Variants in EEFSEC observed in about 807,000 individuals in gnomAD.
The protein encoded by EEFSEC is selenocysteine-specific elongation factor.
In EEFSEC, 43 loss-of-function variants were observed where a neutral mutation model predicts 42.1. That is an observed-to-expected ratio of 1.02 (90% CI 0.80 to 1.32). EEFSEC has a LOEUF of 1.32. Ranked by LOEUF, EEFSEC falls within the 40% of genes most tolerant of loss-of-function variation. The pLI is 0.00. For missense variants in EEFSEC, 745 were observed against 803.6 expected (o/e 0.93, Z 0.88); for synonymous variants, 354 against 339.1 (o/e 1.04, Z -0.48).
rs2067690961 is a variant in EEFSEC at position 128,374,731 on chromosome 3, C to T, written c.1600+16358C>T. On this transcript the variant is annotated intron_variant, in intron 6 of 6. Coordinates refer to ENST00000254730, the MANE Select transcript of EEFSEC (RefSeq NM_021937.5). ...TTCTCACTGTATGCCATATACTTTT[C>T]TAAGCATATTATATATAATAATATA... Among the ~76,000 whole-genome samples, 3 of 152,178 alleles carry T rather than the reference C, an allele frequency of 2.0e-5. No homozygotes were observed. The South Asian group carries it at 6.2e-4, about 32-fold the overall frequency.
At chr3:128,293,012 T>A (rs1364582915) in intron 4 of EEFSEC, among the ~76,000 whole-genome samples, 1 of 152,232 alleles carries the variant, frequency 6.6e-6, no homozygotes, top group African/African-American at 2.4e-5. Flanking sequence ...ATTTCAAAAA[T>A]TTTTACAGAA....
At chr3:128,284,324 A>G (rs1027447960) in intron 4 of EEFSEC, among the ~76,000 whole-genome samples, 3 of 152,240 alleles carry the variant, frequency 2.0e-5, no homozygotes, top group Non-Finnish European at 4.4e-5. Context: ...CTTGACGACT[A>G]AAGCTTGTCT....
chr3:128,256,745 A>G (rs985235012), intron 2 of EEFSEC, among the ~76,000 whole-genome samples: 6 of 152,156 alleles, frequency 3.9e-5, no homozygotes. Context: ...TATATTCTGT[A>G]TGTTCTTCTT....
intron 2 of EEFSEC, among the ~76,000 whole-genome samples, chr3:128,261,888 G>A (rs560362487): frequency 4.6e-4 from 70 of 152,304 alleles, no homozygotes; most frequent in South Asian, 1.9e-3. Context: ...ATATCTAAGA[G>A]AGCCCTTTAA....
intron 4 of EEFSEC, among the ~76,000 whole-genome samples, chr3:128,284,803 G>T (rs1049158756): frequency 6.6e-6 from 1 of 152,072 alleles, no homozygotes; most frequent in Non-Finnish European, 1.5e-5. Context: ...CCACCACCCT[G>T]CCACTCCCCC....
At chr3:128,264,562 C>A in intron 3 of EEFSEC, 55 bp from the exon 4 acceptor site, 3 of 1,585,908 alleles carry the variant, frequency 1.9e-6, no homozygotes, top group Non-Finnish European at 1.7e-6. Flanking sequence ...TTCCTCTGCC[C>A]TGCCCCATCT....
intron 1 of EEFSEC, among the ~76,000 whole-genome samples, chr3:128,163,874 G>A (rs1380765994): frequency 6.6e-6 from 1 of 150,492 alleles, no homozygotes; most frequent in East Asian, 1.9e-4. Context: ...AAGTTAAGCA[G>A]TCCTCTTGCC....
Position 128,327,291 on chromosome 3 carries a change from T to TCC in EEFSEC, c.787-13931_787-13930dup, listed in dbSNP as rs59892046. On this transcript the variant is annotated intron_variant, in intron 4 of 6. Transcript: ENST00000254730. Reference sequence around the variant, plus strand: ...CTGGCACCTCCCTGCACTTTTCCCATCCCCCCCCCCCCAAGGTTGTCCCCC... The same window carrying TCC: ...CTGGCACCTCCCTGCACTTTTCCCATCCCCCCCCCCCCCCAAGGTTGTCCCCC... Among the ~76,000 whole-genome samples, 29 of 105,196 alleles carry TCC rather than the reference T, an allele frequency of 2.8e-4. 1 individual carries two copies. Among genetic ancestry groups the TCC allele is most frequent in the African/African-American group, 4.8e-4 (15 of 31,154 alleles). The allele number at this position is 105,196 out of a possible 152,430, so 69.0% of individuals were successfully genotyped here.
At chr3:128,292,002 A>AT (rs893920840) in intron 4 of EEFSEC, among the ~76,000 whole-genome samples, 1 of 152,102 alleles carries the variant, frequency 6.6e-6, no homozygotes, top group Non-Finnish European at 1.5e-5. Flanking sequence ...TGGGTGTTGA[A>AT]TTTTTTTGAA....
chr3:128,388,170 C>T (rs2067864157), intron 6 of EEFSEC, among the ~76,000 whole-genome samples: 1 of 152,180 alleles, frequency 6.6e-6, no homozygotes, highest in South Asian at 2.1e-4. Flanking sequence ...ATTGCTCCCG[C>T]TCTTAGAGTC....
intron 4 of EEFSEC, among the ~76,000 whole-genome samples, chr3:128,272,339 A>G (rs1475043060): frequency 6.6e-6 from 1 of 152,158 alleles, no homozygotes; most frequent in Non-Finnish European, 1.5e-5. Context: ...GACATGTCCT[A>G]GGGGTTTGGG....
chr3:128,358,043 T>C (rs763017605), intron 5 of EEFSEC, among the ~76,000 whole-genome samples, 174 bp from the exon 6 acceptor site: 7 of 152,064 alleles, frequency 4.6e-5, no homozygotes, highest in African/African-American at 7.2e-5. Flanking sequence ...CCTGCTCCCA[T>C]GCATTTTGTT....
intron 4 of EEFSEC, among the ~76,000 whole-genome samples, chr3:128,289,044 A>G (rs1369076681): frequency 2.0e-5 from 3 of 152,208 alleles, no homozygotes; most frequent in African/African-American, 7.2e-5. Context: ...CTAAGGAGCT[A>G]CAGGGATATG....
chr3:128,264,918 C>T, intron 4 of EEFSEC, 137 bp downstream of exon 4: 1 of 1,050,418 alleles, frequency 9.5e-7, no homozygotes, highest in Non-Finnish European at 1.3e-6. Flanking sequence ...CCCCACCTCC[C>T]CTCTGGCTGC....
the EEFSEC span, among the ~76,000 whole-genome samples, chr3:128,414,823 C>A: frequency 6.6e-6 from 1 of 152,218 alleles, no homozygotes; most frequent in African/African-American, 2.4e-5. Flanking sequence ...GAGGGAGACG[C>A]CATGCCCAGG....
intron 4 of EEFSEC, among the ~76,000 whole-genome samples, chr3:128,297,523 T>G (rs1465566158): frequency 6.6e-6 from 1 of 152,140 alleles, no homozygotes; most frequent in African/African-American, 2.4e-5. Flanking sequence ...AGTGTCTGGT[T>G]GTGGAACTCT....
intron 5 of EEFSEC, among the ~76,000 whole-genome samples, chr3:128,351,142 G>T (rs868738620): frequency 1.3e-5 from 2 of 152,136 alleles, no homozygotes; most frequent in African/African-American, 2.4e-5. Flanking sequence ...GCAGAGAGCT[G>T]TGGGCAGCTC....
intron 1 of EEFSEC, among the ~76,000 whole-genome samples, chr3:128,160,000 A>G (rs888497778): frequency 6.6e-6 from 1 of 152,244 alleles, no homozygotes; most frequent in African/African-American, 2.4e-5. Context: ...TGTTCTCAGC[A>G]CTTGGGCCAG....
At chr3:128,379,827 G>A (rs961655568) in intron 6 of EEFSEC, among the ~76,000 whole-genome samples, 27 of 152,238 alleles carry the variant, frequency 1.8e-4, no homozygotes, top group African/African-American at 6.5e-4. Context: ...GATGAGGTTG[G>A]GTCCCGTCAG....
Sources: gnomAD v4.1 joint callset for allele counts (sites outside exome capture counted in the v4.1 genomes callset) on GRCh38, gnomAD v4.1.1 for gene constraint, MANE v1.5 for transcripts, NCBI Gene and HGNC (gene_info 2026-07-23, HGNC 2026-07-21) for gene names.